Variants in GRIK1 observed in about 807,000 individuals in gnomAD.
The protein encoded by GRIK1 is glutamate ionotropic receptor kainate type subunit 1.
GRIK1 carries 69 observed loss-of-function variants against 105.7 expected under a neutral mutation model. The ratio of observed to expected loss-of-function variants is 0.65; its 90% CI spans 0.54 to 0.80. The LOEUF (loss-of-function observed/expected upper bound fraction) is 0.80, where lower values mean the gene tolerates loss of function less well. Ranked by LOEUF, GRIK1 falls within the 30% of genes least tolerant of loss-of-function variation. GRIK1 has a pLI of 0.00. For missense variants in GRIK1, 1,109 were observed against 1,167.3 expected, an observed-to-expected ratio of 0.95 and a Z score of 0.73; for synonymous variants, 438 against 431.3, an observed-to-expected ratio of 1.02 and a Z score of -0.19.
intron 7 of GRIK1, among the ~76,000 whole-genome samples, 171 bp from the exon 8 acceptor site, chr21:29,599,108 T>C (rs1214058122): frequency 2.0e-5 from 3 of 152,254 alleles, no homozygotes; most frequent in Non-Finnish European, 4.4e-5. Context: ...ACATCGTCTT[T>C]TTATTAGCAC....
intron 1 of GRIK1, among the ~76,000 whole-genome samples, chr21:29,823,682 T>C (rs2067367273): frequency 2.0e-5 from 3 of 151,972 alleles, no homozygotes. Flanking sequence ...CCAACCATGC[T>C]GTAAGATTTA....
intron 8 of GRIK1, chr21:29,597,724 C>T (rs573870914): frequency 1.3e-5 from 5 of 398,796 alleles, no homozygotes; most frequent in Non-Finnish European, 2.7e-5. Flanking sequence ...AATGTGTACT[C>T]TCAAAACTGC....
intron 1 of GRIK1, among the ~76,000 whole-genome samples, chr21:29,780,207 A>AATTTC (rs1382335253): frequency 2.0e-5 from 3 of 152,170 alleles, no homozygotes; most frequent in African/African-American, 7.2e-5. Flanking sequence ...TGTTAGTTGG[A>AATTTC]ATTTCCTGAA....
chr21:29,898,499 T>C (rs1407271019), intron 1 of GRIK1, among the ~76,000 whole-genome samples: 2 of 152,178 alleles, frequency 1.3e-5, no homozygotes, highest in Admixed American at 1.3e-4. Flanking sequence ...GGTCTTAGAC[T>C]ATGAGAGGAC....
At chr21:29,890,201 A>G (rs2069840744) in intron 1 of GRIK1, among the ~76,000 whole-genome samples, 1 of 152,166 alleles carries the variant, frequency 6.6e-6, no homozygotes, top group African/African-American at 2.4e-5. Flanking sequence ...TAGGCTCTAG[A>G]TTAATTACAA....
intron 1 of GRIK1, among the ~76,000 whole-genome samples, chr21:29,735,359 T>C (rs1261622390): frequency 1.3e-5 from 2 of 152,216 alleles, no homozygotes; most frequent in East Asian, 3.8e-4. Context: ...AGTGAGGCTG[T>C]GTTCATTCAG....
At chr21:29,849,122 T>G (rs990033196) in intron 1 of GRIK1, among the ~76,000 whole-genome samples, 3 of 140,012 alleles carry the variant, frequency 2.1e-5, no homozygotes, top group Non-Finnish European at 4.6e-5. Flanking sequence ...TTGTTTATAC[T>G]TTTTCTTTTC....
chr21:29,926,764 A>G (rs1437582326), intron 1 of GRIK1, among the ~76,000 whole-genome samples: 1 of 152,114 alleles, frequency 6.6e-6, no homozygotes, highest in Non-Finnish European at 1.5e-5. Flanking sequence ...TATCATTATT[A>G]TTCCAAGAAG....
intron 3 of GRIK1, among the ~76,000 whole-genome samples, chr21:29,680,994 G>A (rs9979916): frequency 0.046 from 7,044 of 152,202 alleles, 166 homozygotes; most frequent in South Asian, 0.068. Flanking sequence ...TTAGCCGGGC[G>A]TGGTAGTGAG....
chr21:29,746,115 A>C (rs903718831), intron 1 of GRIK1, among the ~76,000 whole-genome samples: 3 of 152,198 alleles, frequency 2.0e-5, no homozygotes, highest in Non-Finnish European at 4.4e-5. Flanking sequence ...AAAATAAAAA[A>C]AAAATAAAAA....
rs186643723 is a variant in GRIK1, at chr21:29,697,942, C to T, written c.119-3879G>A. Among the ~76,000 whole-genome samples the T allele has an allele frequency of 3.7e-3, 492 of 133,964 alleles. 2 individuals are homozygous for T. Among genetic ancestry groups the T allele is most frequent in the Admixed American group, 5.7e-3 (76 of 13,338 alleles). The allele number at this position is 133,964 out of a possible 152,430, so 87.9% of individuals were successfully genotyped here. The stretch of plus-strand genomic sequence containing the variant: ...TCTCTCTCTCTCTCTTTCTTTCTTT[C>T]TTTCTTTTTTCTTTCTTCCTTTCTT... On this transcript the variant is annotated intron_variant, in intron 1 of 17. Coordinates refer to ENST00000327783, the MANE Select transcript of GRIK1 (RefSeq NM_001330994.2).
chr21:29,683,718 A>G (rs2063425779), intron 3 of GRIK1, among the ~76,000 whole-genome samples: 1 of 152,212 alleles, frequency 6.6e-6, no homozygotes, highest in African/African-American at 2.4e-5. Context: ...CCTCAACATC[A>G]TGCAATATAC....
chr21:29,589,091 A>C, intron 10 of GRIK1, 49 bp from the exon 11 acceptor site: 1 of 1,001,308 alleles, frequency 1.0e-6, no homozygotes, highest in Non-Finnish European at 1.6e-6. Flanking sequence ...TGAAAGGAAG[A>C]GTTTACCCTA....
chr21:29,591,447 T>A, intron 9 of GRIK1, among the ~76,000 whole-genome samples: 1 of 89,502 alleles, frequency 1.1e-5, no homozygotes, highest in Non-Finnish European at 2.0e-5. Flanking sequence ...TAGGTGGAGG[T>A]CTTTTTCTTT....
chr21:29,664,179 C>T (rs1218384665), intron 4 of GRIK1, among the ~76,000 whole-genome samples: 2 of 152,090 alleles, frequency 1.3e-5, no homozygotes, highest in African/African-American at 2.4e-5. Flanking sequence ...AATGTAATTA[C>T]ATTAGGTGAG....
intron 1 of GRIK1, among the ~76,000 whole-genome samples, chr21:29,789,241 A>G (rs2066346308): frequency 6.6e-6 from 1 of 152,242 alleles, no homozygotes; most frequent in African/African-American, 2.4e-5. Context: ...GGGCAAGGCC[A>G]GATGCAGACC....
intron 1 of GRIK1, chr21:29,759,024 G>A (rs903203700): frequency 3.9e-5 from 6 of 153,222 alleles, no homozygotes; most frequent in African/African-American, 7.2e-5. Context: ...GGTAAGTCCC[G>A]ATTAAGTTTC....
intron 12 of GRIK1, among the ~76,000 whole-genome samples, chr21:29,583,433 A>G (rs2091065114): frequency 6.6e-6 from 1 of 152,126 alleles, no homozygotes; most frequent in South Asian, 2.1e-4. Flanking sequence ...AGCCTAATGT[A>G]TTCAAGAGAA....
At chr21:29,544,208 T>G (rs185963074) in intron 16 of GRIK1, among the ~76,000 whole-genome samples, 2 of 152,326 alleles carry the variant, frequency 1.3e-5, no homozygotes, top group East Asian at 3.9e-4. Context: ...TTGTTCATCT[T>G]TATTTAAAGA....
Sources: gnomAD v4.1 joint callset for allele counts (sites outside exome capture counted in the v4.1 genomes callset) on GRCh38, gnomAD v4.1.1 for gene constraint, MANE v1.5 for transcripts, NCBI Gene and HGNC (gene_info 2026-07-23, HGNC 2026-07-21) for gene names.